Variants in FLNB observed in about 807,000 individuals in gnomAD.
The protein encoded by FLNB is filamin-B.
In FLNB, 111 loss-of-function variants were observed where a neutral mutation model predicts 250.6. That is an observed-to-expected ratio of 0.44 (90% confidence interval 0.38 to 0.52). FLNB has a LOEUF of 0.52. Ranked by LOEUF, FLNB falls within the 20% of genes least tolerant of loss-of-function variation. The pLI is 0.00. For missense variants in FLNB, 2,869 were observed against 3,447.8 expected, an observed-to-expected ratio of 0.83 and a Z score of 4.20; for synonymous variants, 1,302 against 1,372.1, an observed-to-expected ratio of 0.95 and a Z score of 1.13.
intron 1 of FLNB, among the ~76,000 whole-genome samples, chr3:58,056,105 A>T (rs839226): frequency 0.054 from 6,989 of 128,414 alleles, 210 homozygotes; most frequent in East Asian, 0.1. Flanking sequence ...TTATTTATTT[A>T]TTTTTTTTTT....
At chr3:58,067,840 G>A (rs2097188154) in intron 1 of FLNB, among the ~76,000 whole-genome samples, 1 of 152,140 alleles carries the variant, frequency 6.6e-6, no homozygotes, top group African/African-American at 2.4e-5. Context: ...CTCCCAAAGT[G>A]CTGGGATTAC....
chr3:58,040,677 T>G (rs2097144870), intron 1 of FLNB, among the ~76,000 whole-genome samples: 1 of 152,154 alleles, frequency 6.6e-6, no homozygotes, highest in Non-Finnish European at 1.5e-5. Context: ...GTATTTTTAG[T>G]AGAGACGGGG....
chr3:58,149,975 A>G lies in FLNB; in HGVS notation c.6217A>G (p.Thr2073Ala), dbSNP rs1438849487. ...CGTGCCTGGGGTTTATATCGTCTCC[A>G]CCAAATTCGCTGACGAGCACGTGCC... ...PTVPGVYIVS[T>A]KFADEHVPGS... Residue 2073 changes from threonine to alanine, a missense_variant, in exon 37 of 46, where the codon ACC becomes GCC. By Grantham distance (58) the Thr-to-Ala change is moderately conservative. Transcript: ENST00000295956. The G allele has an allele frequency of 2.5e-6, 4 of 1,614,118 alleles. No individual in the cohort carries two copies. Among genetic ancestry groups the G allele is most frequent in the Non-Finnish European group, 3.4e-6 (4 of 1,180,056 alleles).
rs192491895 is a variant in FLNB, at chr3:58,077,173, G to T, written c.420G>T (p.Thr140=). Residue 140 remains threonine, a synonymous_variant, in exon 2 of 46, where the codon ACG becomes ACT. Coordinates refer to ENST00000295956, the MANE Select transcript of FLNB (RefSeq NM_001457.4). ...GGGATGATGATGCCAAGAAGCAGAC[G>T]CCAAAGCAGAGGCTGCTGGGGTGGA... ...DEGDDDAKKQ[T]PKQRLLGWIQ... 1.2e-6 allele frequency: 2 copies of T among 1,613,970 alleles called. No homozygotes were observed. Among genetic ancestry groups the T allele is most frequent in the East Asian group, 2.2e-5 (1 of 44,866 alleles).
rs114212362 is a variant in FLNB, at chr3:58,058,273, C to T, written c.293-18773C>T. Reference sequence around the variant, plus strand: ...CCTGTGTAGGAAGTTTAGAGTGAAGCGGCAGTTGGCTGGAGGTTCTGAAGG... The same window carrying T: ...CCTGTGTAGGAAGTTTAGAGTGAAGTGGCAGTTGGCTGGAGGTTCTGAAGG... On this transcript the variant is annotated intron_variant, in intron 1 of 45. Coordinates refer to ENST00000295956, the MANE Select transcript of FLNB (RefSeq NM_001457.4). 3.9e-5 allele frequency among the ~76,000 whole-genome samples: 6 copies of T among 152,236 alleles called. No homozygotes were observed. The East Asian group carries it at 7.7e-4, about 20-fold the overall frequency.
intron 1 of FLNB, among the ~76,000 whole-genome samples, chr3:58,027,071 G>A (rs141086001): frequency 1.7e-4 from 26 of 152,118 alleles, no homozygotes; most frequent in South Asian, 6.2e-4. Context: ...CTGGAGACCC[G>A]TTTCTGTTTC....
chr3:58,118,883 G>T lies in FLNB; in HGVS notation c.2757G>T (p.Gln919His), dbSNP rs562951480. 1.2e-6 allele frequency: 2 copies of T among 1,613,886 alleles called. No homozygotes were observed. The highest frequency in any genetic ancestry group is 1.3e-5 in the African/African-American group (1 of 75,026). The change falls in exon 19 of 46, where the codon CAG becomes CAT. Residue 919 changes from glutamine (Q) to histidine (H), a missense_variant. By Grantham distance (24) the Gln-to-His change is conservative. This residue lies in a region of FLNB where 1,348 missense variants were observed against 1,466.7 expected (regional missense o/e 0.92). Transcript: ENST00000295956. ...CTCTCTTGTTCCAGGGCAACATGCAGGTTCTGGTGACTTACGGTGGCGATC... is the reference window on the plus strand; with the variant it reads ...CTCTCTTGTTCCAGGGCAACATGCATGTTCTGGTGACTTACGGTGGCGATC... ...KYTPTQQGNMQVLVTYGGDPI... is the reference protein window; with the variant it reads ...KYTPTQQGNMHVLVTYGGDPI...
chr3:58,022,645 T>C (rs1354385254), intron 1 of FLNB, among the ~76,000 whole-genome samples: 1 of 152,204 alleles, frequency 6.6e-6, no homozygotes, highest in East Asian at 1.9e-4. Flanking sequence ...ATCATTGCAA[T>C]TCTGAGAAGT....
At chr3:58,056,397 G>A (rs569268919) in intron 1 of FLNB, among the ~76,000 whole-genome samples, 58 of 151,232 alleles carry the variant, frequency 3.8e-4, no homozygotes, top group Non-Finnish European at 7.4e-4. Context: ...CACCGCACCC[G>A]GCCAGATGCT....
chr3:58,056,101 A>ATTT (rs1170400791), intron 1 of FLNB, among the ~76,000 whole-genome samples: 4 of 131,180 alleles, frequency 3.0e-5, no homozygotes, highest in African/African-American at 8.0e-5. Context: ...TTATTTATTT[A>ATTT]TTTATTTTTT....
At chr3:58,103,854 T>C in intron 9 of FLNB, 105 bp from the exon 10 acceptor site, 1 of 1,373,510 alleles carries the variant, frequency 7.3e-7, no homozygotes, top group East Asian at 2.3e-5. Context: ...TTTTTATGTA[T>C]GGTTTATGTT....
rs553750208 is a variant in FLNB at position 58,051,638 on chromosome 3, C to A, written c.293-25408C>A. On this transcript the variant is annotated intron_variant, in intron 1 of 45. Transcript: ENST00000295956. The stretch of plus-strand genomic sequence containing the variant: ...TTGCTGATACTCCAGCCCCACTCCC[C>A]AAGAGATGCTGATTTTGTTTTGTTT... 2.0e-5 allele frequency among the ~76,000 whole-genome samples: 3 copies of A among 151,776 alleles called. No individual in the cohort carries two copies. In the East Asian group the frequency reaches 5.8e-4, roughly 29 times the overall value.
At chr3:58,081,304 G>A (rs188535939) in intron 3 of FLNB, among the ~76,000 whole-genome samples, 1 of 152,176 alleles carries the variant, frequency 6.6e-6, no homozygotes, top group Non-Finnish European at 1.5e-5. Flanking sequence ...TTCCTGCCTT[G>A]CTATAGCTTA....
chr3:58,122,851 G>A (rs904944097), intron 20 of FLNB, among the ~76,000 whole-genome samples: 2 of 152,104 alleles, frequency 1.3e-5, no homozygotes, highest in African/African-American at 4.8e-5. Context: ...AGTCTTGGAG[G>A]GGCTGCTCCA....
At chr3:58,118,016 T>A (rs1249047502) in intron 18 of FLNB, among the ~76,000 whole-genome samples, 1 of 152,182 alleles carries the variant, frequency 6.6e-6, no homozygotes, top group East Asian at 1.9e-4. Context: ...GATCTTGATC[T>A]ACTGAGACAG....
chr3:58,053,787 A>G (rs1252386073), intron 1 of FLNB, among the ~76,000 whole-genome samples: 1 of 152,094 alleles, frequency 6.6e-6, no homozygotes, highest in African/African-American at 2.4e-5. Flanking sequence ...TTTAAATGAA[A>G]GTGTGTTCAT....
chr3:58,103,291 TGTGC>T (rs1325011111), intron 9 of FLNB, among the ~76,000 whole-genome samples: 2 of 151,886 alleles, frequency 1.3e-5, no homozygotes, highest in Non-Finnish European at 2.9e-5. Context: ...TGTGTGTGTG[TGTGC>T]ACGCGCGTGC....
chr3:58,024,729 A>C (rs13073700), intron 1 of FLNB, among the ~76,000 whole-genome samples: 1 of 86,710 alleles, frequency 1.2e-5, no homozygotes, highest in East Asian at 5.2e-4. Flanking sequence ...TTTTTTTTTT[A>C]ACCTTGAGAC....
chr3:58,150,972 G>A (rs1033875009), intron 38 of FLNB: 1 of 152,968 alleles, frequency 6.5e-6, no homozygotes, highest in African/African-American at 2.4e-5. Flanking sequence ...ACGAGTCACG[G>A]AGCTGTCGAC....
Sources: allele counts gnomAD v4.1 joint callset (sites outside exome capture counted in the v4.1 genomes callset), GRCh38; gene constraint gnomAD v4.1.1; regional missense constraint gnomAD v4.1.1; transcripts MANE v1.5; gene names NCBI Gene and HGNC (gene_info 2026-07-23, HGNC 2026-07-21).